The following ADAMTS17 variants were observed in gnomAD, a reference collection of about 807,000 sequenced individuals.
ADAMTS17 encodes the protein ADAM metallopeptidase with thrombospondin type 1 motif 17.
In ADAMTS17, 113 loss-of-function variants were observed where a neutral mutation model predicts 141.5. The observed-to-expected ratio is 0.80, with a 90% CI of 0.69 to 0.93. ADAMTS17 has a LOEUF of 0.93. Among genes scored for constraint, ADAMTS17 ranks in the 40% least tolerant of loss-of-function variants. ADAMTS17 has a pLI of 0.00. For synonymous variants in ADAMTS17, 768 were observed against 630.6 expected, an observed-to-expected ratio of 1.22 and a Z score of -3.27; for missense variants, 1,659 against 1,517.9, an observed-to-expected ratio of 1.09 and a Z score of -1.54.
At chr15:100,093,617 T>C (rs1338197279) in intron 15 of ADAMTS17, among the ~76,000 whole-genome samples, 1 of 152,042 alleles carries the variant, frequency 6.6e-6, no homozygotes, top group Non-Finnish European at 1.5e-5. Flanking sequence ...GTCCTCCCCC[T>C]ACCCCCACTA....
At chr15:100,114,845 C>T (rs1390310893) in intron 13 of ADAMTS17, among the ~76,000 whole-genome samples, 1 of 152,170 alleles carries the variant, frequency 6.6e-6, no homozygotes, top group African/African-American at 2.4e-5. Context: ...ACGAAACAGT[C>T]CAGCCATCCA....
intron 7 of ADAMTS17, among the ~76,000 whole-genome samples, chr15:100,211,633 T>A (rs2041813050): frequency 6.6e-6 from 1 of 152,190 alleles, no homozygotes; most frequent in South Asian, 2.1e-4. Flanking sequence ...TCTAGCTAAA[T>A]CCATACTGAA....
intron 18 of ADAMTS17, among the ~76,000 whole-genome samples, chr15:99,998,136 C>T (rs1428818740): frequency 6.6e-6 from 1 of 152,180 alleles, no homozygotes; most frequent in East Asian, 1.9e-4. Context: ...GATACAGCCA[C>T]TGACAAAGAA....
chr15:100,048,751 C>G, intron 18 of ADAMTS17, 106 bp downstream of exon 18: 1 of 1,518,566 alleles, frequency 6.6e-7, no homozygotes, highest in Non-Finnish European at 9.0e-7. Flanking sequence ...TAACGGAACA[C>G]AGCATAGAGC....
intron 3 of ADAMTS17, among the ~76,000 whole-genome samples, chr15:100,298,741 G>A (rs1231449198): frequency 6.6e-6 from 1 of 152,194 alleles, no homozygotes; most frequent in Admixed American, 6.5e-5. Context: ...AAATGCTTCA[G>A]ACTGGCTGTC....
At chr15:100,182,543 G>C (rs1441410318) in intron 8 of ADAMTS17, among the ~76,000 whole-genome samples, 3 of 152,166 alleles carry the variant, frequency 2.0e-5, no homozygotes, top group South Asian at 2.1e-4. Flanking sequence ...GTTGAAGGGT[G>C]GGGGAAGAGG....
chr15:99,995,394 T>G (rs1034786785), intron 19 of ADAMTS17, among the ~76,000 whole-genome samples: 4 of 152,062 alleles, frequency 2.6e-5, no homozygotes, highest in African/African-American at 4.8e-5. Context: ...TTAACCAAAC[T>G]CTGACCAGCA....
chr15:100,209,215 G>A (rs2041704993), intron 7 of ADAMTS17, among the ~76,000 whole-genome samples: 1 of 151,980 alleles, frequency 6.6e-6, no homozygotes, highest in South Asian at 2.1e-4. Flanking sequence ...CCATTCTTTG[G>A]GGGATGAAAT....
chr15:100,076,027 T>C (rs1478821386), intron 15 of ADAMTS17, among the ~76,000 whole-genome samples: 3 of 151,924 alleles, frequency 2.0e-5, no homozygotes, highest in Non-Finnish European at 4.4e-5. Context: ...ATCTTAGCTA[T>C]GAATTCTTAT....
At chr15:100,306,457 A>T (rs767972708) in intron 3 of ADAMTS17, 4 of 456,040 alleles carry the variant, frequency 8.8e-6, no homozygotes. Context: ...TAGACGCTCC[A>T]CGTTGTTGTC....
At chr15:100,285,939 A>T (rs1468488862) in intron 3 of ADAMTS17, among the ~76,000 whole-genome samples, 2 of 152,018 alleles carry the variant, frequency 1.3e-5, no homozygotes, top group Non-Finnish European at 2.9e-5. Flanking sequence ...TCTGAGCACC[A>T]CCCACCATGT....
At chr15:100,100,864 C>G (rs1026784369) in intron 14 of ADAMTS17, among the ~76,000 whole-genome samples, 50 of 152,312 alleles carry the variant, frequency 3.3e-4, no homozygotes, top group Non-Finnish European at 1.2e-4. Flanking sequence ...TGCTCACCAA[C>G]TCAGCCTGCC....
chr15:100,273,314 G>T (rs2043976488), intron 4 of ADAMTS17, among the ~76,000 whole-genome samples: 1 of 152,128 alleles, frequency 6.6e-6, no homozygotes, highest in African/African-American at 2.4e-5. Flanking sequence ...GTTTACCAAT[G>T]AAGTCATAAT....
intron 4 of ADAMTS17, among the ~76,000 whole-genome samples, chr15:100,267,253 T>A: frequency 6.6e-6 from 1 of 152,140 alleles, no homozygotes; most frequent in East Asian, 1.9e-4. Flanking sequence ...TGTTTTTGTG[T>A]CACTTGGCAT....
intron 8 of ADAMTS17, among the ~76,000 whole-genome samples, chr15:100,182,754 G>A (rs1032098762): frequency 6.6e-6 from 1 of 152,032 alleles, no homozygotes; most frequent in Non-Finnish European, 1.5e-5. Context: ...TGTTTTATTT[G>A]GCCATCTTGC....
At chr15:100,055,264 C>A (rs2032472912) in intron 15 of ADAMTS17, among the ~76,000 whole-genome samples, 1 of 152,142 alleles carries the variant, frequency 6.6e-6, no homozygotes, top group Non-Finnish European at 1.5e-5. Context: ...TTACTGAGGC[C>A]AGAAATAAAA....
At chr15:100,057,718 T>G (rs1356586442) in intron 15 of ADAMTS17, among the ~76,000 whole-genome samples, 1 of 152,126 alleles carries the variant, frequency 6.6e-6, no homozygotes, top group African/African-American at 2.4e-5. Flanking sequence ...CAGGGGGACT[T>G]TTGTTCACCT....
In ADAMTS17 at chr15:99,974,463, C is replaced by T; in HGVS notation, c.3227G>A (p.Cys1076Tyr). The change falls in exon 22 of 22, where the codon TGC (cysteine) becomes TAC (tyrosine). Residue 1076 changes from cysteine to tyrosine, a missense_variant. Cys to Tyr is a radical substitution (Grantham distance 194). Transcript: ENST00000268070. ...LCQDMRWYQRCCQTCRDFYAN... is the reference protein window; with the variant it reads ...LCQDMRWYQRYCQTCRDFYAN... ...ATAGAAGTCCCTGCAGGTCTGGCAGCAGCGCTGGTACCACCGCATGTCCTG... is the reference window on the plus strand; with the variant it reads ...ATAGAAGTCCCTGCAGGTCTGGCAGTAGCGCTGGTACCACCGCATGTCCTG... 6.2e-7 allele frequency: 1 copy of T among 1,614,190 alleles called. No homozygotes were observed. The highest frequency in any genetic ancestry group is 8.5e-7 in the Non-Finnish European group (1 of 1,180,044).
chr15:100,025,963 A>G (rs2061508007), intron 18 of ADAMTS17, among the ~76,000 whole-genome samples: 1 of 152,192 alleles, frequency 6.6e-6, no homozygotes, highest in African/African-American at 2.4e-5. Flanking sequence ...AAGTATATAA[A>G]TTATAAGTAT....
Sources: allele counts gnomAD v4.1 joint callset (sites outside exome capture counted in the v4.1 genomes callset), GRCh38; gene constraint gnomAD v4.1.1; transcripts MANE v1.5; gene names NCBI Gene and HGNC (gene_info 2026-07-23, HGNC 2026-07-21).